The following TRHDE variants were observed in gnomAD, a reference collection of about 807,000 sequenced individuals.
TRHDE encodes thyrotropin-releasing hormone-degrading ectoenzyme.
A neutral mutation model predicts 125.7 loss-of-function variants in TRHDE; 72 were observed. The ratio of observed to expected loss-of-function variants is 0.57; its 90% CI spans 0.47 to 0.70. The LOEUF (loss-of-function observed/expected upper bound fraction) is 0.70. TRHDE is among the 30% of genes least tolerant of loss of function. The probability of loss-of-function intolerance (pLI) is 0.00; values close to 1 mark genes in which losing one functional copy is unlikely to be tolerated. For missense variants in TRHDE, 1,110 were observed against 1,327.1 expected (o/e 0.84, Z 2.54); for synonymous variants, 509 against 509.1 (o/e 1.00, Z 0.00).
Position 72,625,997 on chromosome 12 carries a change from C to T in TRHDE, c.2675+4246C>T, listed in dbSNP as rs148106632. Among the ~76,000 whole-genome samples, 11 of 152,114 alleles carry T rather than the reference C, an allele frequency of 7.2e-5. No individual in the cohort carries two copies. The East Asian group carries it at 2.1e-3, about 30-fold the overall frequency. On this transcript the variant is annotated intron_variant, in intron 15 of 18. Transcript: ENST00000261180. ...CCAGTGGTTTTTGAACCTGAACATG[C>T]ACCTGAAACATCAGATGGGATTAAA...
Position 72,663,153 on chromosome 12 carries a change from A to C in TRHDE, c.3168A>C (p.Gln1056His). The change falls in exon 19 of 19, where the codon CAA (glutamine) becomes CAC (histidine). Residue 1056 changes from glutamine to histidine, a missense_variant. Physicochemically the swap from Gln to His is conservative, Grantham distance 24. Transcript: ENST00000261180. ...ATGTGCGCTGGAAAATGCTTTACCA[A>C]GACGAGCTTTTCCAATGGTTAGGAA... Reference protein sequence around the residue: ...EANVRWKMLYQDELFQWLGKA... With the variant: ...EANVRWKMLYHDELFQWLGKA... 6.2e-7 allele frequency: 1 copy of C among 1,613,086 alleles called. No homozygotes were observed. The highest frequency in any genetic ancestry group is 8.5e-7 in the Non-Finnish European group (1 of 1,179,446).
At chr12:72,619,648 C>A (rs148157367) in intron 13 of TRHDE, among the ~76,000 whole-genome samples, 16 of 152,248 alleles carry the variant, frequency 1.1e-4, no homozygotes, top group African/African-American at 3.9e-4. Flanking sequence ...GCTCATGCCA[C>A]CTAATCTGAT....
At chr12:72,610,058 C>G (rs1219116988) in intron 12 of TRHDE, among the ~76,000 whole-genome samples, 1 of 152,118 alleles carries the variant, frequency 6.6e-6, no homozygotes, top group East Asian at 1.9e-4. Flanking sequence ...TATTTCAATT[C>G]TAGGCTAATT....
chr12:72,557,405 A>G (rs539853475), intron 7 of TRHDE, among the ~76,000 whole-genome samples: 1 of 152,104 alleles, frequency 6.6e-6, no homozygotes, highest in East Asian at 1.9e-4. Flanking sequence ...AAGAATAAAT[A>G]CTCCTATTTT....
chr12:72,124,423 GT>G (rs1470830795), intron 2 of TRHDE, among the ~76,000 whole-genome samples: 2 of 152,116 alleles, frequency 1.3e-5, no homozygotes, highest in African/African-American at 4.8e-5. Flanking sequence ...AAGGTGATAA[GT>G]TCTGCATAAA....
At chr12:72,456,150 C>T (rs1875838525) in intron 3 of TRHDE, among the ~76,000 whole-genome samples, 1 of 149,654 alleles carries the variant, frequency 6.7e-6, no homozygotes, top group South Asian at 2.1e-4. Context: ...CACACACACA[C>T]ACACACACAC....
At chr12:72,449,709 C>T (rs1052681544) in intron 3 of TRHDE, among the ~76,000 whole-genome samples, 1 of 151,690 alleles carries the variant, frequency 6.6e-6, no homozygotes, top group Non-Finnish European at 1.5e-5. Flanking sequence ...GCTAGGCAGC[C>T]CAGGATTTAA....
At chr12:72,115,579 C>T (rs1253026888) in intron 2 of TRHDE, among the ~76,000 whole-genome samples, 2 of 151,906 alleles carry the variant, frequency 1.3e-5, no homozygotes, top group African/African-American at 2.4e-5. Flanking sequence ...GTGAGATTGC[C>T]GAATCATATG....
chr12:72,426,395 C>T (rs1874184837), intron 3 of TRHDE, among the ~76,000 whole-genome samples: 1 of 152,096 alleles, frequency 6.6e-6, no homozygotes, highest in South Asian at 2.1e-4. Flanking sequence ...AAAACACTTT[C>T]AGTGGTTTAA....
At chr12:72,171,477 G>T (rs566454663) in intron 2 of TRHDE, among the ~76,000 whole-genome samples, 3 of 152,260 alleles carry the variant, frequency 2.0e-5, no homozygotes, top group Admixed American at 2.0e-4. Flanking sequence ...TCTCCATTTG[G>T]GCTAGCAGAT....
chr12:72,169,477 C>A (rs929725583), intron 2 of TRHDE, among the ~76,000 whole-genome samples: 1 of 152,086 alleles, frequency 6.6e-6, no homozygotes, highest in African/African-American at 2.4e-5. Context: ...CTGTTGAAGC[C>A]TTTCTTCCTG....
chr12:72,591,174 C>T (rs1454720560), intron 12 of TRHDE, among the ~76,000 whole-genome samples: 2 of 152,102 alleles, frequency 1.3e-5, no homozygotes, highest in African/African-American at 4.8e-5. Flanking sequence ...AAAAACCCAC[C>T]CCCATGATTC....
chr12:72,171,064 T>G (rs1379131372), intron 2 of TRHDE, among the ~76,000 whole-genome samples: 1 of 152,142 alleles, frequency 6.6e-6, no homozygotes, highest in Non-Finnish European at 1.5e-5. Context: ...TGGCCACGTG[T>G]TTTAGCAAGG....
chr12:72,630,439 T>G (rs1335610423), intron 15 of TRHDE, among the ~76,000 whole-genome samples: 1 of 151,820 alleles, frequency 6.6e-6, no homozygotes, highest in Non-Finnish European at 1.5e-5. Context: ...GTCTTCAGGA[T>G]AAACCCACCA....
At chr12:72,603,446 C>T (rs958565902) in intron 12 of TRHDE, among the ~76,000 whole-genome samples, 5 of 152,036 alleles carry the variant, frequency 3.3e-5, no homozygotes, top group African/African-American at 9.7e-5. Flanking sequence ...TAAGTGTGGG[C>T]CGAGCGCGGT....
intron 18 of TRHDE, among the ~76,000 whole-genome samples, chr12:72,660,835 G>A (rs922313766): frequency 1.3e-5 from 2 of 152,120 alleles, no homozygotes; most frequent in African/African-American, 4.8e-5. Context: ...ACCAAAGAGT[G>A]GAAGAAATAA....
intron 2 of TRHDE, among the ~76,000 whole-genome samples, chr12:72,166,147 T>C (rs1592466450): frequency 6.6e-6 from 1 of 152,220 alleles, no homozygotes; most frequent in South Asian, 2.1e-4. Flanking sequence ...CTGTAAGCAA[T>C]TGTAATGCCA....
chr12:72,650,210 G>A (rs973840484), intron 15 of TRHDE, among the ~76,000 whole-genome samples: 15 of 152,036 alleles, frequency 9.9e-5, no homozygotes, highest in African/African-American at 1.7e-4. Flanking sequence ...TACAAAGCAC[G>A]ACGTTTTTCA....
chr12:72,142,014 TG>T (rs1210432097), intron 2 of TRHDE, among the ~76,000 whole-genome samples: 1 of 151,492 alleles, frequency 6.6e-6, no homozygotes, highest in Non-Finnish European at 1.5e-5. Context: ...AGAAATTTCC[TG>T]GGCATGCACA....
Sources: gnomAD v4.1 joint callset for allele counts (sites outside exome capture counted in the v4.1 genomes callset) on GRCh38, gnomAD v4.1.1 for gene constraint, MANE v1.5 for transcripts, NCBI Gene and HGNC (gene_info 2026-07-23, HGNC 2026-07-21) for gene names.